The following TRIM24 variants were observed in gnomAD, a reference collection of about 807,000 sequenced individuals.
The protein encoded by TRIM24 is tripartite motif containing 24, also known as transcription intermediary factor 1-alpha.
TRIM24 carries 29 observed loss-of-function variants against 123.9 expected under a neutral mutation model. That is an observed-to-expected ratio of 0.23 (90% CI 0.17 to 0.32). TRIM24 has a LOEUF of 0.32. TRIM24 is among the 10% of genes least tolerant of loss of function. The pLI, the probability that TRIM24 is intolerant of heterozygous loss-of-function variation, is 1.00. For synonymous variants in TRIM24, 456 were observed against 461.1 expected (o/e 0.99, Z 0.14); for missense variants, 932 against 1,295.3 (o/e 0.72, Z 4.31).
chr7:138,516,169 G>A (rs952464699), intron 3 of TRIM24, among the ~76,000 whole-genome samples: 9 of 152,152 alleles, frequency 5.9e-5, no homozygotes, highest in Non-Finnish European at 5.9e-5. Flanking sequence ...GGGCGTGGTG[G>A]CGGGCACCTG....
intron 1 of TRIM24, among the ~76,000 whole-genome samples, chr7:138,468,621 T>A (rs534419271): frequency 1.3e-5 from 2 of 152,336 alleles, no homozygotes; most frequent in South Asian, 4.1e-4. Context: ...TATGTAATTG[T>A]TGGTATGGCA....
intron 1 of TRIM24, 112 bp downstream of exon 1, chr7:138,461,024 G>T (rs1794953628): frequency 9.6e-7 from 1 of 1,042,510 alleles, no homozygotes; most frequent in South Asian, 1.8e-5. Flanking sequence ...GTGCGCGGCG[G>T]GGGAGGGGCG....
chr7:138,570,746 C>A (rs929514100), intron 10 of TRIM24, 84 bp from the exon 11 acceptor site: 25 of 1,384,994 alleles, frequency 1.8e-5, no homozygotes, highest in African/African-American at 5.9e-5. Flanking sequence ...AACTCTTCTA[C>A]TTCATTTTGT....
chr7:138,491,870 G>A (rs1795791963), intron 1 of TRIM24, among the ~76,000 whole-genome samples: 2 of 151,664 alleles, frequency 1.3e-5, no homozygotes, highest in Admixed American at 6.6e-5. Flanking sequence ...CCTAGTGGGT[G>A]TGAAGTGGTA....
rs138378818 is a variant in TRIM24 at position 138,483,176 on chromosome 7, T to A, written c.365-21114T>A. On this transcript the variant is annotated intron_variant, in intron 1 of 18. Coordinates refer to ENST00000343526, the MANE Select transcript of TRIM24 (RefSeq NM_015905.3). Reference sequence around the variant, plus strand: ...CTCCTCTGGCCTCAAATGCCTACACTCCTCTGGCCTTGGCCTCCCAAAGTG... The same window carrying A: ...CTCCTCTGGCCTCAAATGCCTACACACCTCTGGCCTTGGCCTCCCAAAGTG... Among the ~76,000 whole-genome samples the A allele has an allele frequency of 1.9e-3, 286 of 151,974 alleles. 2 individuals carry two copies. The highest frequency in any genetic ancestry group is 3.5e-3 in the Middle Eastern group (1 of 286).
In TRIM24 at chr7:138,584,962, C is replaced by T. The variant is rs754169116; in HGVS notation, c.*11C>T. Reference sequence around the variant, plus strand: ...CAGTTGCTTAAATAATATGCAGCACCACTAGCTTGTGCTGGTTTTTAGATT... The same window carrying T: ...CAGTTGCTTAAATAATATGCAGCACTACTAGCTTGTGCTGGTTTTTAGATT... On this transcript the variant is annotated 3_prime_UTR_variant, in exon 19 of 19. Transcript: ENST00000343526. 6.3e-7 allele frequency: 1 copy of T among 1,580,282 alleles called. No individual in the cohort carries two copies. The highest frequency in any genetic ancestry group is 1.4e-5 in the African/African-American group (1 of 72,964).
At chr7:138,550,989 C>G in intron 7 of TRIM24, 74 bp from the exon 8 acceptor site, 2 of 1,176,804 alleles carry the variant, frequency 1.7e-6, no homozygotes, top group South Asian at 1.3e-5. Flanking sequence ...ATACCAGAGA[C>G]TGTTTTTGTA....
At chr7:138,501,272 C>G (rs1796033293) in intron 1 of TRIM24, among the ~76,000 whole-genome samples, 2 of 152,068 alleles carry the variant, frequency 1.3e-5, no homozygotes, top group South Asian at 4.2e-4. Flanking sequence ...CTCTGTCACC[C>G]AGGCTGGAGT....
At position 138,585,843 on chromosome 7, in the gene TRIM24, A is replaced by G; in HGVS notation, c.*892A>G. On this transcript the variant is annotated 3_prime_UTR_variant, in exon 19 of 19. Transcript: ENST00000343526. Reference sequence around the variant, plus strand: ...ATATAAATACAGCAGCGTGCACTGTATTTGATGTGAGGGTTCTTCATCATA... The same window carrying G: ...ATATAAATACAGCAGCGTGCACTGTGTTTGATGTGAGGGTTCTTCATCATA... The G allele has an allele frequency of 1.9e-6, 1 of 519,278 alleles. No homozygotes were observed. The highest frequency in any genetic ancestry group is 1.4e-5 in the South Asian group (1 of 71,574). 32.2% of individuals were successfully genotyped at this position (519,278 alleles called of 1,614,324 possible).
chr7:138,479,911 C>A (rs952114972), intron 1 of TRIM24, among the ~76,000 whole-genome samples: 1 of 151,950 alleles, frequency 6.6e-6, no homozygotes, highest in Non-Finnish European at 1.5e-5. Context: ...CTTCTGCCCC[C>A]GGGTTCAAGC....
chr7:138,489,268 T>C (rs1795725250), intron 1 of TRIM24, among the ~76,000 whole-genome samples: 1 of 152,202 alleles, frequency 6.6e-6, no homozygotes, highest in African/African-American at 2.4e-5. Context: ...GTCTCCCGAA[T>C]ATAGCACACT....
intron 4 of TRIM24, among the ~76,000 whole-genome samples, chr7:138,521,071 T>C (rs982331666): frequency 1.3e-5 from 2 of 152,166 alleles, no homozygotes; most frequent in Non-Finnish European, 2.9e-5. Flanking sequence ...AACTTTCAAA[T>C]CTAAAATTCT....
intron 1 of TRIM24, among the ~76,000 whole-genome samples, chr7:138,487,558 C>T (rs540038926): frequency 2.6e-5 from 4 of 152,170 alleles, no homozygotes; most frequent in Non-Finnish European, 5.9e-5. Context: ...GCATGAAGGG[C>T]TGTTGAATTT....
intron 7 of TRIM24, among the ~76,000 whole-genome samples, chr7:138,548,636 GCTTA>G (rs1402025448): frequency 6.6e-6 from 1 of 151,948 alleles, no homozygotes; most frequent in Non-Finnish European, 1.5e-5. Context: ...ATAAATTTTA[GCTTA>G]CTTAAGGAAA....
intron 14 of TRIM24, 57 bp downstream of exon 14, chr7:138,577,645 C>T: frequency 7.3e-7 from 1 of 1,372,094 alleles, no homozygotes; most frequent in Non-Finnish European, 9.6e-7. Context: ...GTGAGAGAAT[C>T]TTTTAAATAG....
chr7:138,532,275 C>G (rs569990956), intron 6 of TRIM24, among the ~76,000 whole-genome samples: 1,719 of 152,202 alleles, frequency 0.011, 36 homozygotes, highest in African/African-American at 0.039. Flanking sequence ...GTGTTTTAGA[C>G]ATGAAGTCCT....
At position 138,515,205 on chromosome 7, in the gene TRIM24, T is replaced by C. The variant is rs1361014020; in HGVS notation, c.484-7T>C. Reference sequence around the variant, plus strand: ...CAAAAATTTACGTGCCATGGTTCTTTTGTCAGGTATGTACAAGCTGTGAGG... The same window carrying C: ...CAAAAATTTACGTGCCATGGTTCTTCTGTCAGGTATGTACAAGCTGTGAGG... On this transcript the variant is annotated splice_polypyrimidine_tract_variant and splice_region_variant and intron_variant, in intron 2 of 18. Coordinates refer to ENST00000343526, the MANE Select transcript of TRIM24 (RefSeq NM_015905.3). 6.3e-7 allele frequency: 1 copy of C among 1,593,448 alleles called. No homozygotes were observed. The highest frequency in any genetic ancestry group is 1.3e-5 in the African/African-American group (1 of 74,252).
Position 138,460,287 on chromosome 7 carries a change from G to T in TRIM24, c.-262G>T, listed in dbSNP as rs932457305. On this transcript the variant is annotated 5_prime_UTR_variant, in exon 1 of 19. Coordinates refer to ENST00000343526, the MANE Select transcript of TRIM24 (RefSeq NM_015905.3). ...TTCCACGAGCGCCTCGGCGGTTGGC[G>T]AAGCGGACGGGGTGCAGCCTCCCCG... The T allele has an allele frequency of 5.4e-6, 2 of 373,320 alleles. No individual in the cohort carries two copies. Among genetic ancestry groups the T allele is most frequent in the Non-Finnish European group, 9.5e-6 (2 of 210,972 alleles). The allele number at this position is 373,320 out of a possible 1,614,324, so 23.1% of individuals were successfully genotyped here.
rs545463500 is a variant in TRIM24, at chr7:138,464,945, T to C, written c.364+4033T>C. 3.9e-3 allele frequency among the ~76,000 whole-genome samples: 601 copies of C among 152,318 alleles called. 1 individual carries two copies. The highest frequency in any genetic ancestry group is 6.5e-3 in the Non-Finnish European group (440 of 68,026). On this transcript the variant is annotated intron_variant, in intron 1 of 18. Coordinates refer to ENST00000343526, the MANE Select transcript of TRIM24 (RefSeq NM_015905.3). ...TAATGCAAGCAGTATTCTAAAACTG[T>C]TTCAGATCTAGTTTCCCTTTCTATA...
Sources: allele counts gnomAD v4.1 joint callset (sites outside exome capture counted in the v4.1 genomes callset), GRCh38; gene constraint gnomAD v4.1.1; transcripts MANE v1.5; gene names NCBI Gene and HGNC (gene_info 2026-07-23, HGNC 2026-07-21).